Variants in LIF observed in about 807,000 individuals in gnomAD.
The protein encoded by LIF is leukemia inhibitory factor.
Under a neutral mutation model 15.0 loss-of-function variants are expected in LIF, and 9 were observed. The observed-to-expected ratio is 0.60, with a 90% CI of 0.36 to 1.04. LIF has a LOEUF of 1.04. Among genes scored for constraint, LIF ranks in the 50% least tolerant of loss-of-function variants. The pLI is 0.01. For missense variants in LIF, 240 were observed against 266.7 expected (o/e 0.90, Z 0.70); for synonymous variants, 122 against 119.7 (o/e 1.02, Z -0.13).
chr22:30,246,306 C>G (rs952021620), intron 1 of LIF: 1 of 362,892 alleles, frequency 2.8e-6, no homozygotes, highest in Non-Finnish European at 4.0e-6. Context: ...AAGGAGAAAG[C>G]GGAAAGAAAG....
Position 30,244,760 on chromosome 22 carries a change from G to A in LIF, c.193C>T (p.Leu65Phe), listed in dbSNP as rs759058256. Reference protein sequence around the residue: ...LNGSANALFILYYTAQGEPFP... With the variant: ...LNGSANALFIFYYTAQGEPFP... The stretch of plus-strand genomic sequence containing the variant: ...GTATCCCAGGGGTAACTTACATAGA[G>A]AATAAAGAGGGCATTGGCACTGCCA... Residue 65 changes from leucine (L) to phenylalanine (F), a missense_variant, in exon 2 of 3, where the codon CTC (leucine) becomes TTC (phenylalanine). Transcript: ENST00000249075. 121 of 1,613,874 alleles carry A rather than the reference G, an allele frequency of 7.5e-5. No individual in the cohort carries two copies. The highest frequency in any genetic ancestry group is 1.0e-4 in the Non-Finnish European group (119 of 1,179,858).
intron 1 of LIF, among the ~76,000 whole-genome samples, chr22:30,245,930 C>T (rs911724903): frequency 1.3e-5 from 2 of 152,222 alleles, no homozygotes; most frequent in African/African-American, 4.8e-5. Context: ...CCGACTCCCC[C>T]CAGGCCCCCT....
rs1466187825 is a variant in LIF at position 30,242,708 on chromosome 22, A to T, written c.*943T>A. On this transcript the variant is annotated 3_prime_UTR_variant, in exon 3 of 3. Transcript: ENST00000249075. ...CAGAGACGGCCTCCAGTCCCCCTCA[A>T]GTACCTCTGTGTGACCTCACAAGGC... The T allele has an allele frequency of 6.6e-6, 1 of 152,644 alleles. No homozygotes were observed. The highest frequency in any genetic ancestry group is 2.4e-5 in the African/African-American group (1 of 41,392). 9.5% of individuals were successfully genotyped at this position (152,644 alleles called of 1,614,324 possible).
At chr22:30,246,491 G>GT (rs1328976699) in intron 1 of LIF, 186 bp downstream of exon 1, 19 of 1,261,678 alleles carry the variant, frequency 1.5e-5, no homozygotes, top group African/African-American at 3.2e-5. Context: ...GGGGCGTGCG[G>GT]TGCTTGGGAC....
rs1358755108 is a variant in LIF at position 30,243,726 on chromosome 22, G to A, written c.534C>T (p.Phe178=). The A allele has an allele frequency of 1.9e-6, 3 of 1,614,232 alleles. No individual in the cohort carries two copies. The highest frequency in any genetic ancestry group is 2.5e-6 in the Non-Finnish European group (3 of 1,180,032). ...GTTGACAGCCCAGCTTCTTCTTCTG[G>A]AAGACATCCTTACCCGAGGTGTCAG... is the stretch of plus-strand genomic sequence containing the variant. ...YGPDTSGKDV[F]QKKKLGCQLL... is the part of the protein sequence containing the mutation. The change falls in exon 3 of 3, where the codon TTC becomes TTT. Residue 178 remains phenylalanine (F), a synonymous_variant. Coordinates refer to ENST00000249075, the MANE Select transcript of LIF (RefSeq NM_002309.5). The surrounding 1 kb of genome is among the most constrained non-coding windows in gnomAD (Gnocchi z 6.0).
chr22:30,246,506 T>G, intron 1 of LIF, 171 bp downstream of exon 1: 1 of 1,283,532 alleles, frequency 7.8e-7, no homozygotes. Flanking sequence ...TGGGACCATG[T>G]GCCCGCGCTC....
Position 30,240,905 on chromosome 22 carries a change from G to A in LIF, c.*2746C>T, listed in dbSNP as rs1348852111. 1 of 152,266 alleles carries A rather than the reference G, an allele frequency of 6.6e-6. No homozygotes were observed. Among genetic ancestry groups the A allele is most frequent in the African/African-American group, 2.4e-5 (1 of 41,458 alleles). 9.4% of individuals were successfully genotyped at this position (152,266 alleles called of 1,614,324 possible). On this transcript the variant is annotated 3_prime_UTR_variant, in exon 3 of 3. Coordinates refer to ENST00000249075, the MANE Select transcript of LIF (RefSeq NM_002309.5). ...GCCCCAAGTCAGGGACAAGGAGGAC[G>A]ATGGGGACGATGGGGAGGAGAGACA... is the stretch of plus-strand genomic sequence containing the variant.
rs760838978 is a variant in LIF at position 30,243,182 on chromosome 22, C to T, written c.*469G>A. 2.2e-5 allele frequency: 5 copies of T among 223,720 alleles called. No individual in the cohort carries two copies. The highest frequency in any genetic ancestry group is 4.5e-5 in the Non-Finnish European group (5 of 110,764). The allele number at this position is 223,720 out of a possible 1,614,324, so 13.9% of individuals were successfully genotyped here. A position where few individuals can be genotyped will look rare whatever the true frequency, so the allele number is the denominator to read the frequency against. On this transcript the variant is annotated 3_prime_UTR_variant, in exon 3 of 3. Coordinates refer to ENST00000249075, the MANE Select transcript of LIF (RefSeq NM_002309.5). This position sits in a 1 kb window ranked among gnomAD's most constrained non-coding sequence, Gnocchi z 6.0. Reference sequence around the variant, plus strand: ...ATCAAACTTCTAGGGGACAAGGAGTCCTTTGGGATCCTAGCCCCTCTGGCC... The same window carrying T: ...ATCAAACTTCTAGGGGACAAGGAGTTCTTTGGGATCCTAGCCCCTCTGGCC...
Position 30,241,579 on chromosome 22 carries a change from G to A in LIF, c.*2072C>T, listed in dbSNP as rs914228547. On this transcript the variant is annotated 3_prime_UTR_variant, in exon 3 of 3. Transcript: ENST00000249075. This position sits in a 1 kb window ranked among gnomAD's most constrained non-coding sequence, Gnocchi z 4.4. Reference sequence around the variant, plus strand: ...ACTGCCCACGCGCCATCCAGGTAAAGTGCTTAGAGAGCGACAGGGAAAGGT... The same window carrying A: ...ACTGCCCACGCGCCATCCAGGTAAAATGCTTAGAGAGCGACAGGGAAAGGT... The A allele has an allele frequency of 6.5e-6, 1 of 152,912 alleles. No homozygotes were observed. The highest frequency in any genetic ancestry group is 1.5e-5 in the Non-Finnish European group (1 of 68,150). The allele number at this position is 152,912 out of a possible 1,614,324, so 9.5% of individuals were successfully genotyped here. A position where few individuals can be genotyped will look rare whatever the true frequency, so the allele number is the denominator to read the frequency against.
chr22:30,244,780 C>T lies in LIF; in HGVS notation c.173G>A (p.Ser58Asn), dbSNP rs1488484689. 1 of 1,614,186 alleles carries T rather than the reference C, an allele frequency of 6.2e-7. No homozygotes were observed. Among genetic ancestry groups the T allele is most frequent in the Admixed American group, 1.7e-5 (1 of 60,036 alleles). The change falls in exon 2 of 3, where the codon AGT becomes AAT. Residue 58 changes from serine to asparagine, a missense_variant. By Grantham distance (46) the Ser-to-Asn change is conservative. Transcript: ENST00000249075. ...ATAGAGAATAAAGAGGGCATTGGCA[C>T]TGCCATTGAGCTGTGCCAGTTGGCT... ...IRSQLAQLNGSANALFILYYT... is the reference protein window; with the variant it reads ...IRSQLAQLNGNANALFILYYT...
In LIF at chr22:30,244,935, TG is replaced by T; in HGVS notation, c.20-3del. 6.2e-7 allele frequency: 1 copy of T among 1,613,888 alleles called. No individual in the cohort carries two copies. On this transcript the variant is annotated splice_region_variant and splice_polypyrimidine_tract_variant and intron_variant, in intron 1 of 2. Coordinates refer to ENST00000249075, the MANE Select transcript of LIF (RefSeq NM_002309.5). ...GAACCAACAGCAGGGGCACAACTCC[TG>T]GGGACAGTCAGGAAGAAGCCATGAG...
rs1322189277 is a variant in LIF, at chr22:30,243,541, C to A, written c.*110G>T. On this transcript the variant is annotated 3_prime_UTR_variant, in exon 3 of 3. Coordinates refer to ENST00000249075, the MANE Select transcript of LIF (RefSeq NM_002309.5). The surrounding 1 kb of genome is among the most constrained non-coding windows in gnomAD (Gnocchi z 6.0). ...GCACCCTCGGGGTCTGCCAGCAGCC[C>A]CCATTTGGGTTTAGCGATGCCCTGG... The A allele has an allele frequency of 1.4e-6, 2 of 1,393,206 alleles. No homozygotes were observed. Among genetic ancestry groups the A allele is most frequent in the African/African-American group, 2.8e-5 (2 of 70,594 alleles). The allele number at this position is 1,393,206 out of a possible 1,614,324, so 86.3% of individuals were successfully genotyped here. A position where few individuals can be genotyped will look rare whatever the true frequency, so the allele number is the denominator to read the frequency against.
intron 1 of LIF, among the ~76,000 whole-genome samples, chr22:30,245,735 C>A (rs558208419): frequency 6.6e-6 from 1 of 152,268 alleles, no homozygotes; most frequent in Non-Finnish European, 1.5e-5. Context: ...CAGGGGTTCC[C>A]CTCCCTCCTA....
At chr22:30,245,499 C>T (rs1928851266) in intron 1 of LIF, among the ~76,000 whole-genome samples, 1 of 152,190 alleles carries the variant, frequency 6.6e-6, no homozygotes, top group Non-Finnish European at 1.5e-5. Context: ...AAACCTGCCA[C>T]TTGATTCTGG....
chr22:30,244,306 C>T (rs1358377735), intron 2 of LIF, among the ~76,000 whole-genome samples: 1 of 152,118 alleles, frequency 6.6e-6, no homozygotes, highest in Admixed American at 6.5e-5. Flanking sequence ...CATCACCACC[C>T]TAAGGGGACA....
chr22:30,246,384 G>A, intron 1 of LIF: 1 of 842,190 alleles, frequency 1.2e-6, no homozygotes, highest in Non-Finnish European at 1.5e-6. Context: ...CAGCCAGCGA[G>A]TGTCCGGAGC....
Position 30,243,317 on chromosome 22 carries a change from T to C in LIF, c.*334A>G. The C allele has an allele frequency of 2.4e-6, 1 of 419,318 alleles. No individual in the cohort carries two copies. The highest frequency in any genetic ancestry group is 4.5e-6 in the Non-Finnish European group (1 of 223,232). 26.0% of individuals were successfully genotyped at this position (419,318 alleles called of 1,614,324 possible). On this transcript the variant is annotated 3_prime_UTR_variant, in exon 3 of 3. Coordinates refer to ENST00000249075, the MANE Select transcript of LIF (RefSeq NM_002309.5). This position sits in a 1 kb window ranked among gnomAD's most constrained non-coding sequence, Gnocchi z 6.0. The stretch of plus-strand genomic sequence containing the variant: ...TCTCACCCTGTGGTCAGGGCTCTTG[T>C]AGATGACTTGTGTAGTTTGTTCACT...
rs1440510550 is a variant in LIF, at chr22:30,242,282, C to T, written c.*1369G>A. On this transcript the variant is annotated 3_prime_UTR_variant, in exon 3 of 3. Transcript: ENST00000249075. ...GCCTCTCCACAAATTGGCCCAGCCC[C>T]TGCAGCCTGGACCCTGACACCCTAA... 2.6e-5 allele frequency: 4 copies of T among 152,568 alleles called. No individual in the cohort carries two copies. Among genetic ancestry groups the T allele is most frequent in the Non-Finnish European group, 4.4e-5 (3 of 68,192 alleles). The allele number at this position is 152,568 out of a possible 1,614,324, so 9.5% of individuals were successfully genotyped here.
In LIF at chr22:30,242,040, G is replaced by A. The variant is rs1435389569; in HGVS notation, c.*1611C>T. The A allele has an allele frequency of 6.5e-6, 1 of 153,140 alleles. No homozygotes were observed. The highest frequency in any genetic ancestry group is 1.5e-5 in the Non-Finnish European group (1 of 68,424). The allele number at this position is 153,140 out of a possible 1,614,324, so 9.5% of individuals were successfully genotyped here. On this transcript the variant is annotated 3_prime_UTR_variant, in exon 3 of 3. Transcript: ENST00000249075. ...CAGGAGGAGCTTCCCTGCTGTGTCGGAGCATGCTGGGTGCAGGGGCAGGGT... is the reference window on the plus strand; with the variant it reads ...CAGGAGGAGCTTCCCTGCTGTGTCGAAGCATGCTGGGTGCAGGGGCAGGGT...
Sources: allele counts gnomAD v4.1 joint callset (sites outside exome capture counted in the v4.1 genomes callset), GRCh38; gene constraint gnomAD v4.1.1; non-coding constraint Gnocchi (gnomAD v3.1); transcripts MANE v1.5; gene names NCBI Gene and HGNC (gene_info 2026-07-23, HGNC 2026-07-21).